STON1: variants seen among roughly 807,000 people sequenced by gnomAD.
STON1 encodes the protein stonin 1, also known as stonin-1.
A neutral mutation model predicts 60.9 loss-of-function variants in STON1; 79 were observed. The observed-to-expected ratio is 1.30, with a 90% CI of 1.08 to 1.56. The LOEUF (loss-of-function observed/expected upper bound fraction) is 1.56, where lower values mean the gene tolerates loss of function less well. Among genes scored for constraint, STON1 ranks in the 40% most tolerant of loss-of-function variants. STON1 has a pLI of 0.00. For synonymous variants in STON1, 363 were observed against 306.9 expected, an observed-to-expected ratio of 1.18 and a Z score of -1.91; for missense variants, 1,166 against 858.9, an observed-to-expected ratio of 1.36 and a Z score of -4.47.
At chr2:48,558,733 G>C (rs1001114768) in intron 1 of STON1, among the ~76,000 whole-genome samples, 3 of 152,200 alleles carry the variant, frequency 2.0e-5, no homozygotes, top group Non-Finnish European at 2.9e-5. Context: ...TACTCAAGCA[G>C]ATGTCCCTTC....
At chr2:48,547,812 G>A (rs1346257079) in intron 1 of STON1, among the ~76,000 whole-genome samples, 2 of 152,220 alleles carry the variant, frequency 1.3e-5, no homozygotes, top group Non-Finnish European at 2.9e-5. Context: ...TTGTCTACAT[G>A]ATAATGAGAT....
chr2:48,590,003 G>C (rs1480102531), intron 2 of STON1, among the ~76,000 whole-genome samples: 1 of 152,178 alleles, frequency 6.6e-6, no homozygotes, highest in Non-Finnish European at 1.5e-5. Flanking sequence ...TGAAGAAACT[G>C]AGGCTCAGAG....
Position 48,595,331 on chromosome 2 carries a change from A to G in STON1, c.*29A>G, listed in dbSNP as rs1674738388. 2 of 1,585,280 alleles carry G rather than the reference A, an allele frequency of 1.3e-6. No homozygotes were observed. Among genetic ancestry groups the G allele is most frequent in the Non-Finnish European group, 1.7e-6 (2 of 1,154,648 alleles). On this transcript the variant is annotated 3_prime_UTR_variant, in exon 4 of 4. Coordinates refer to ENST00000404752, the MANE Select transcript of STON1 (RefSeq NM_006873.4). ...TAGCAAGAGTTTATGATGACAGCCC[A>G]CTTGTCAAATATGTAATTCACCGAA... is the stretch of plus-strand genomic sequence containing the variant.
At chr2:48,539,108 G>T (rs1355037569) in intron 1 of STON1, among the ~76,000 whole-genome samples, 1 of 151,912 alleles carries the variant, frequency 6.6e-6, no homozygotes, top group Admixed American at 6.6e-5. Context: ...TGTAGAGATG[G>T]GGTCTTGCTA....
intron 1 of STON1, among the ~76,000 whole-genome samples, chr2:48,563,229 G>T (rs933219537): frequency 1.3e-5 from 2 of 152,202 alleles, no homozygotes; most frequent in Non-Finnish European, 2.9e-5. Flanking sequence ...TGGGTGGGAG[G>T]CTTGAGTGTT....
chr2:48,554,118 G>C (rs1207876261), intron 1 of STON1, among the ~76,000 whole-genome samples: 1 of 152,254 alleles, frequency 6.6e-6, no homozygotes, highest in Non-Finnish European at 1.5e-5. Context: ...GGCTGCATCT[G>C]TTGGGAGCTA....
chr2:48,569,355 A>C (rs1012858495), intron 1 of STON1, among the ~76,000 whole-genome samples: 1 of 152,222 alleles, frequency 6.6e-6, no homozygotes, highest in African/African-American at 2.4e-5. Flanking sequence ...TGAAAAGACC[A>C]TTTAAAATTA....
chr2:48,548,305 G>A (rs944774407), intron 1 of STON1, among the ~76,000 whole-genome samples: 8 of 152,164 alleles, frequency 5.3e-5, no homozygotes, highest in Admixed American at 5.2e-4. Context: ...CAGGTGATGG[G>A]AGACTTCCTT....
Position 48,591,690 on chromosome 2 carries a change from G to A in STON1, c.1968G>A (p.Glu656=), listed in dbSNP as rs751171514. 7.4e-6 allele frequency: 12 copies of A among 1,613,916 alleles called. No homozygotes were observed. Among genetic ancestry groups the A allele is most frequent in the Admixed American group, 5.0e-5 (3 of 59,982 alleles). ...DHPHCLSYKL[E]LGSDQEIPSD... is the part of the protein sequence containing the mutation. ...CCCATTGTCTGTCATACAAATTAGA[G>A]CTTGGATCAGACCAAGAAATTCCCT... is the stretch of plus-strand genomic sequence containing the variant. Residue 656 remains glutamate, a synonymous_variant, in exon 3 of 4, where the codon GAG becomes GAA. Coordinates refer to ENST00000404752, the MANE Select transcript of STON1 (RefSeq NM_006873.4).
In STON1 at chr2:48,591,835, C is replaced by T. The variant is rs753727146; in HGVS notation, c.2113C>T (p.Arg705Ter). The change falls in exon 3 of 4, where the codon CGA (arginine) becomes TGA (stop). Residue 705 changes from arginine (R) to a stop codon, truncating the protein, a stop_gained. Coordinates refer to ENST00000404752, the MANE Select transcript of STON1 (RefSeq NM_006873.4). LOFTEE classifies it high-confidence loss of function. ...CCAGCCACAGAAACATGTTCAGCAG[C>T]GAGCTTGCTACAACATCCAGGTACA... ...DVQPQKHVQQRACYNIQVEIE... is the reference protein window; with the variant it reads ...DVQPQKHVQQ 8.7e-6 allele frequency: 14 copies of T among 1,613,962 alleles called. No individual in the cohort carries two copies. Among genetic ancestry groups the T allele is most frequent in the East Asian group, 2.2e-5 (1 of 44,890 alleles).
intron 1 of STON1, among the ~76,000 whole-genome samples, chr2:48,564,483 C>A (rs868504021): frequency 9.8e-4 from 26 of 26,396 alleles, no homozygotes; most frequent in African/African-American, 3.1e-3. Context: ...CTTCTTCTTT[C>A]TTCTTCTTCT....
intron 1 of STON1, among the ~76,000 whole-genome samples, chr2:48,542,390 G>A (rs1161420161): frequency 1.3e-5 from 2 of 152,056 alleles, no homozygotes; most frequent in Non-Finnish European, 2.9e-5. Flanking sequence ...TTAGATATGT[G>A]GCCTTTGGCA....
At chr2:48,568,141 G>T (rs1673027523) in intron 1 of STON1, among the ~76,000 whole-genome samples, 1 of 152,152 alleles carries the variant, frequency 6.6e-6, no homozygotes, top group Non-Finnish European at 1.5e-5. Context: ...CAGTTTGGTT[G>T]GGCTGATACC....
At position 48,595,917 on chromosome 2, in the gene STON1, T is replaced by C. The variant is rs566865728; in HGVS notation, c.*615T>C. On this transcript the variant is annotated 3_prime_UTR_variant, in exon 4 of 4. Transcript: ENST00000404752. The stretch of plus-strand genomic sequence containing the variant: ...CTGTCTCTCTCCTACTGTATTGTCA[T>C]TTTCAAAATGTGTTTGTTTTCTGGC... 6.6e-6 allele frequency: 1 copy of C among 152,342 alleles called. No individual in the cohort carries two copies. Among genetic ancestry groups the C allele is most frequent in the East Asian group, 1.9e-4 (1 of 5,184 alleles). The allele number at this position is 152,342 out of a possible 1,614,324, so 9.4% of individuals were successfully genotyped here.
intron 1 of STON1, among the ~76,000 whole-genome samples, chr2:48,553,814 C>A (rs1050466934): frequency 3.9e-5 from 6 of 152,062 alleles, no homozygotes; most frequent in African/African-American, 1.4e-4. Flanking sequence ...GAGAATTGAT[C>A]CTCGTAGATT....
At chr2:48,584,329 A>T (rs1674074952) in intron 2 of STON1, among the ~76,000 whole-genome samples, 1 of 151,994 alleles carries the variant, frequency 6.6e-6, no homozygotes, top group Non-Finnish European at 1.5e-5. Flanking sequence ...GCTGGAGTGC[A>T]GTGCGATAGC....
chr2:48,585,697 C>G (rs1264892556), intron 2 of STON1, among the ~76,000 whole-genome samples: 2 of 152,156 alleles, frequency 1.3e-5, no homozygotes, highest in Non-Finnish European at 2.9e-5. Context: ...AGGGTTTAAA[C>G]AAAATCAGAG....
chr2:48,590,099 G>T (rs1436705671), intron 2 of STON1, among the ~76,000 whole-genome samples: 1 of 152,214 alleles, frequency 6.6e-6, no homozygotes, highest in Non-Finnish European at 1.5e-5. Context: ...TGAACTTACT[G>T]TATCCTCACT....
At chr2:48,558,787 A>C (rs951550501) in intron 1 of STON1, among the ~76,000 whole-genome samples, 4 of 152,248 alleles carry the variant, frequency 2.6e-5, no homozygotes, top group African/African-American at 9.6e-5. Context: ...TGCATTTGAT[A>C]CTGCTCATTC....
Sources: gnomAD v4.1 joint callset for allele counts (sites outside exome capture counted in the v4.1 genomes callset) on GRCh38, gnomAD v4.1.1 for gene constraint, MANE v1.5 for transcripts, NCBI Gene and HGNC (gene_info 2026-07-23, HGNC 2026-07-21) for gene names.